Variants in LITAF observed in about 807,000 individuals in gnomAD.
LITAF encodes the protein lipopolysaccharide-induced tumor necrosis factor-alpha factor.
A neutral mutation model predicts 14.5 loss-of-function variants in LITAF; 9 were observed. The ratio of observed to expected loss-of-function variants is 0.62; its 90% confidence interval spans 0.37 to 1.08. The LOEUF is 1.08. Among genes scored for constraint, LITAF ranks in the 50% least tolerant of loss-of-function variants. The pLI, the probability that LITAF is intolerant of heterozygous loss-of-function variation, is 0.01. For missense variants in LITAF, 206 were observed against 213.4 expected (o/e 0.97, Z 0.22); for synonymous variants, 98 against 88.2 (o/e 1.11, Z -0.62).
chr16:11,630,570 C>CTTTTT (rs66732953), intron 3 of LITAF, among the ~76,000 whole-genome samples: 2 of 114,234 alleles, frequency 1.8e-5, no homozygotes, highest in African/African-American at 7.1e-5. Context: ...CCCTGGCCAA[C>CTTTTT]TTTTTTTTTT....
chr16:11,585,802 C>T (rs955737797), intron 1 of LITAF, among the ~76,000 whole-genome samples: 1 of 152,150 alleles, frequency 6.6e-6, no homozygotes, highest in Non-Finnish European at 1.5e-5. Flanking sequence ...TTTGGGAAGA[C>T]TGGTAGGAGC....
upstream of LITAF, among the ~76,000 whole-genome samples, chr16:11,591,291 C>G (rs2064844423): frequency 1.7e-5 from 2 of 115,552 alleles, 1 homozygote; most frequent in African/African-American, 8.3e-5. Context: ...TCAAGCGATC[C>G]CTCCCACCTC....
At chr16:11,611,173 G>A (rs868613247) in intron 3 of LITAF, among the ~76,000 whole-genome samples, 27 of 151,186 alleles carry the variant, frequency 1.8e-4, no homozygotes, top group African/African-American at 5.8e-4. Flanking sequence ...AAAATAGTGA[G>A]ACAAAAAAAA....
chr16:11,606,762 G>C (rs1369493757), intron 3 of LITAF, among the ~76,000 whole-genome samples: 1 of 151,956 alleles, frequency 6.6e-6, no homozygotes, highest in Non-Finnish European at 1.5e-5. Context: ...AGCCTCCCGA[G>C]TAGCTGGGAC....
In LITAF at chr16:11,605,396, T is replaced by C. The variant is rs2141870759; in HGVS notation, c.85+28137A>G. On this transcript the variant is annotated intron_variant, in intron 3 of 3. Coordinates refer to the LITAF transcript ENST00000574848. This position sits in a 1 kb window ranked among gnomAD's most constrained non-coding sequence, Gnocchi z 4.7. ...GGATCCTGTGCACCTCCCGGAGGAC[T>C]GGGAAGAGGGAAAGGAGCACAGCTA... Among the ~76,000 whole-genome samples the C allele has an allele frequency of 6.6e-6, 1 of 152,180 alleles. No individual in the cohort carries two copies. The highest frequency in any genetic ancestry group is 1.9e-4 in the East Asian group (1 of 5,158).
At chr16:11,624,816 T>A (rs1384066749) in intron 3 of LITAF, among the ~76,000 whole-genome samples, 5 of 152,194 alleles carry the variant, frequency 3.3e-5, no homozygotes, top group Non-Finnish European at 7.3e-5. Context: ...CTGGGTGGCC[T>A]CGAGACTTGC....
chr16:11,582,392 T>C (rs963682104), intron 1 of LITAF, among the ~76,000 whole-genome samples: 2 of 148,692 alleles, frequency 1.3e-5, no homozygotes, highest in African/African-American at 2.5e-5. Context: ...TCTAAAAATA[T>C]ATCCTCAAGC....
chr16:11,556,398 G>T (rs746863067), intron 2 of LITAF, 113 bp downstream of exon 2: 1 of 866,114 alleles, frequency 1.2e-6, no homozygotes, highest in Non-Finnish European at 1.8e-6. Context: ...GGTAAAACTG[G>T]AACGTACTGG....
rs184329131 is a variant in LITAF at position 11,549,286 on chromosome 16, G to T, written c.*351C>A. The T allele has an allele frequency of 2.2e-6, 1 of 444,886 alleles. No individual in the cohort carries two copies. The allele number at this position is 444,886 out of a possible 1,614,324, so 27.6% of individuals were successfully genotyped here. A position where few individuals can be genotyped will look rare whatever the true frequency, so the allele number is the denominator to read the frequency against. On this transcript the variant is annotated 3_prime_UTR_variant, in exon 4 of 4. Coordinates refer to ENST00000622633, the MANE Select transcript of LITAF (RefSeq NM_001136472.2). This position sits in a 1 kb window ranked among gnomAD's most constrained non-coding sequence, Gnocchi z 4.6. ...TCAGTTTGAGACTGCCACCAGAAAG[G>T]CCCATGGAAGCAGGAAAAAAGAGCC...
chr16:11,637,220 A>G (rs896204920), upstream of LITAF, among the ~76,000 whole-genome samples: 1 of 152,168 alleles, frequency 6.6e-6, no homozygotes, highest in African/African-American at 2.4e-5. Flanking sequence ...TATCTCCTGT[A>G]TCACCAGCAC....
rs187566017 is a variant in LITAF at position 11,623,057 on chromosome 16, G to A, written c.85+10476C>T. Among the ~76,000 whole-genome samples, 467 of 151,252 alleles carry A rather than the reference G, an allele frequency of 3.1e-3. 6 individuals are homozygous for A. The highest frequency in any genetic ancestry group is 0.011 in the African/African-American group (452 of 41,246). ...CGGCTCACTGCAAGCTCCGCCTCCT[G>A]GGTTCATGTCATTCTTTTGCCTCAG... On this transcript the variant is annotated intron_variant, in intron 3 of 3. Coordinates refer to the LITAF transcript ENST00000574848.
rs554211816 is a variant in LITAF, at chr16:11,594,812, G to T, written c.-6+3576C>A. On this transcript the variant is annotated intron_variant, in intron 1 of 3. Coordinates refer to the LITAF transcript ENST00000571627. Reference sequence around the variant, plus strand: ...AATCATTTGAACCCAGGAGGTGGAGGCTGCAGTGAGCCAAGATCATGCCAC... The same window carrying T: ...AATCATTTGAACCCAGGAGGTGGAGTCTGCAGTGAGCCAAGATCATGCCAC... Among the ~76,000 whole-genome samples, 18 of 151,992 alleles carry T rather than the reference G, an allele frequency of 1.2e-4. No homozygotes were observed. The East Asian group carries it at 3.5e-3, about 29-fold the overall frequency.
chr16:11,635,034 AAAAATAAAATAAAAT>A (rs55724396), intron 2 of LITAF, among the ~76,000 whole-genome samples: 1,875 of 142,032 alleles, frequency 0.013, 40 homozygotes, highest in Middle Eastern at 0.056. Flanking sequence ...ACTCCATCTC[AAAAATAAAATAAAAT>A]AAAATAAAAT....
At chr16:11,555,388 G>A (rs2064252406) in intron 2 of LITAF, among the ~76,000 whole-genome samples, 1 of 152,132 alleles carries the variant, frequency 6.6e-6, no homozygotes, top group African/African-American at 2.4e-5. Flanking sequence ...CAGGCTCTGT[G>A]ACTCATGCTG....
chr16:11,631,489 G>A (rs1457521788), intron 3 of LITAF, among the ~76,000 whole-genome samples: 2 of 152,098 alleles, frequency 1.3e-5, no homozygotes, highest in Non-Finnish European at 2.9e-5. Flanking sequence ...ACAACCTCCC[G>A]AGCTTAGGTG....
At chr16:11,592,530 A>G (rs1224512646) in intron 1 of LITAF, among the ~76,000 whole-genome samples, 1 of 151,238 alleles carries the variant, frequency 6.6e-6, no homozygotes, top group Admixed American at 6.6e-5. Flanking sequence ...AGCAGAGATC[A>G]TGTCACTGCA....
chr16:11,602,730 G>T (rs1400928929), upstream of LITAF, among the ~76,000 whole-genome samples: 1 of 139,118 alleles, frequency 7.2e-6, no homozygotes, highest in African/African-American at 2.7e-5. Flanking sequence ...GTACCAGGTT[G>T]TAAGATCTAT....
chr16:11,611,338 G>A (rs1001817326), intron 3 of LITAF, among the ~76,000 whole-genome samples: 5 of 152,130 alleles, frequency 3.3e-5, no homozygotes, highest in African/African-American at 1.2e-4. Flanking sequence ...ACGAGACCCT[G>A]TCTGCAAAAC....
intron 3 of LITAF, among the ~76,000 whole-genome samples, chr16:11,618,104 G>A (rs573440447): frequency 6.6e-6 from 1 of 152,212 alleles, no homozygotes; most frequent in South Asian, 2.1e-4. Flanking sequence ...TCAAACTCCT[G>A]GGCTCAAGTG....
Sources: allele counts gnomAD v4.1 joint callset (sites outside exome capture counted in the v4.1 genomes callset), GRCh38; gene constraint gnomAD v4.1.1; non-coding constraint Gnocchi (gnomAD v3.1); transcripts MANE v1.5; gene names NCBI Gene and HGNC (gene_info 2026-07-23, HGNC 2026-07-21).